The following SLIT3 variants were observed in gnomAD, a reference collection of about 807,000 sequenced individuals.
The protein encoded by SLIT3 is slit guidance ligand 3.
A neutral mutation model predicts 184.0 loss-of-function variants in SLIT3; 68 were observed. That is an observed-to-expected ratio of 0.37 (90% CI 0.30 to 0.45). The LOEUF (loss-of-function observed/expected upper bound fraction) is 0.45, where lower values mean the gene tolerates loss of function less well. Ranked by LOEUF, SLIT3 falls within the 20% of genes least tolerant of loss-of-function variation. The pLI is 1.00. For missense variants in SLIT3, 1,707 were observed against 2,026.0 expected (o/e 0.84, Z 3.02); for synonymous variants, 831 against 828.6 (o/e 1.00, Z -0.05).
intron 1 of SLIT3, among the ~76,000 whole-genome samples, chr5:169,261,678 G>A (rs1766182608): frequency 6.6e-6 from 1 of 152,228 alleles, no homozygotes; most frequent in Non-Finnish European, 1.5e-5. Flanking sequence ...TCCTTTTAAG[G>A]AACTTTTATT....
chr5:168,949,190 T>C (rs1470168514), intron 4 of SLIT3, among the ~76,000 whole-genome samples: 2 of 152,212 alleles, frequency 1.3e-5, no homozygotes, highest in African/African-American at 4.8e-5. Context: ...CTGAGGCTCT[T>C]ATCTCCAGGC....
intron 1 of SLIT3, among the ~76,000 whole-genome samples, chr5:169,279,831 A>G (rs1056325365): frequency 3.9e-5 from 6 of 152,182 alleles, no homozygotes; most frequent in Admixed American, 3.9e-4. Context: ...TTTGTTCCTC[A>G]TCTATAAAAT....
Position 168,801,863 on chromosome 5 carries a change from G to A in SLIT3, c.935+4583C>T, listed in dbSNP as rs78634240. ...TTTAGAGGAATGGGCTCTGGTATTC[G>A]GGGACACCAGCACACACTCCTCTGA... On this transcript the variant is annotated intron_variant, in intron 9 of 35. Transcript: ENST00000519560. Among the ~76,000 whole-genome samples, 1,327 of 152,236 alleles carry A rather than the reference G, an allele frequency of 8.7e-3. 26 individuals are homozygous for A. The highest frequency in any genetic ancestry group is 0.03 in the African/African-American group (1,266 of 41,546).
rs1755447165 is a variant in SLIT3 at position 168,994,623 on chromosome 5, C to CA, written c.414-111288_414-111287insT. Among the ~76,000 whole-genome samples the CA allele has an allele frequency of 6.4e-5, 3 of 47,100 alleles. No homozygotes were observed. The South Asian group carries it at 2.7e-3, about 42-fold the overall frequency. 30.9% of individuals were successfully genotyped at this position (47,100 alleles called of 152,430 possible). A position where few individuals can be genotyped will look rare whatever the true frequency, so the allele number is the denominator to read the frequency against. On this transcript the variant is annotated intron_variant, in intron 4 of 35. Transcript: ENST00000519560. ...ACATGTACCAGTGTCTGGCATTCTA[C>CA]TTTTTTTTTTTTTTTTTTTTTTTTT...
At chr5:169,177,215 G>A (rs983942192) in intron 4 of SLIT3, among the ~76,000 whole-genome samples, 1 of 152,086 alleles carries the variant, frequency 6.6e-6, no homozygotes, top group African/African-American at 2.4e-5. Flanking sequence ...GCAATCAGAC[G>A]GCCAGGAGCC....
chr5:169,002,345 A>AAAAAAAAAAAAG (rs1561600096), intron 4 of SLIT3, among the ~76,000 whole-genome samples: 28 of 145,402 alleles, frequency 1.9e-4, no homozygotes, highest in Non-Finnish European at 3.0e-4. Context: ...AAAAAAAAAA[A>AAAAAAAAAAAAG]AAAAAAAAAA....
chr5:168,674,887 G>A (rs1343258302), intron 32 of SLIT3, among the ~76,000 whole-genome samples: 1 of 152,156 alleles, frequency 6.6e-6, no homozygotes, highest in African/African-American at 2.4e-5. Context: ...GCCAGACATG[G>A]TGCTAAGTGG....
chr5:169,178,112 T>C (rs1227496541), intron 4 of SLIT3, among the ~76,000 whole-genome samples: 1 of 152,244 alleles, frequency 6.6e-6, no homozygotes, highest in Non-Finnish European at 1.5e-5. Context: ...GCAGCAAATC[T>C]ATCACCAGTA....
intron 5 of SLIT3, among the ~76,000 whole-genome samples, chr5:168,877,815 A>C (rs1029741151): frequency 6.6e-5 from 10 of 152,148 alleles, no homozygotes. Context: ...AGAAACTGAA[A>C]AACAGAGGAA....
At chr5:168,739,426 C>CTT (rs35705916) in intron 20 of SLIT3, among the ~76,000 whole-genome samples, 5 of 143,534 alleles carry the variant, frequency 3.5e-5, no homozygotes, top group South Asian at 4.4e-4. Context: ...TCTTTTTATT[C>CTT]TTTTTTTTTT....
chr5:168,977,822 A>G (rs1754818579), intron 4 of SLIT3, among the ~76,000 whole-genome samples: 1 of 152,148 alleles, frequency 6.6e-6, no homozygotes, highest in African/African-American at 2.4e-5. Flanking sequence ...GCCAAAAGAC[A>G]TGGCTGTATC....
At chr5:168,766,412 C>T (rs934013958) in intron 14 of SLIT3, among the ~76,000 whole-genome samples, 2 of 152,236 alleles carry the variant, frequency 1.3e-5, no homozygotes, top group Non-Finnish European at 2.9e-5. Flanking sequence ...AGAACACTGC[C>T]AGGCACACAG....
chr5:169,030,026 A>C (rs1432901), intron 4 of SLIT3, among the ~76,000 whole-genome samples: 4 of 152,218 alleles, frequency 2.6e-5, no homozygotes, highest in African/African-American at 9.6e-5. Context: ...TTTTGGAAAG[A>C]GGGGAGCTAC....
At chr5:169,148,821 C>G (rs1762019512) in intron 4 of SLIT3, among the ~76,000 whole-genome samples, 2 of 151,912 alleles carry the variant, frequency 1.3e-5, no homozygotes, top group Admixed American at 6.6e-5. Flanking sequence ...TAATTATATC[C>G]TAGAAGTCAT....
At chr5:169,031,041 C>G (rs140697788) in intron 4 of SLIT3, among the ~76,000 whole-genome samples, 97 of 152,294 alleles carry the variant, frequency 6.4e-4, no homozygotes, top group African/African-American at 2.2e-3. Context: ...AACTTAGAAG[C>G]CCCTGACAGG....
chr5:168,750,641 A>T (rs1388706809), intron 18 of SLIT3, among the ~76,000 whole-genome samples: 2 of 152,106 alleles, frequency 1.3e-5, no homozygotes, highest in Non-Finnish European at 2.9e-5. Context: ...TTGGATTTCC[A>T]ATGTGGAGGT....
At chr5:169,006,605 T>TCA (rs372485234) in intron 4 of SLIT3, among the ~76,000 whole-genome samples, 16,944 of 145,590 alleles carry the variant, frequency 0.12, 1,042 homozygotes, top group African/African-American at 0.13. Context: ...TCTCTCTCTC[T>TCA]CACACACACA....
chr5:169,261,481 TCCTC>T (rs1766173817), intron 1 of SLIT3, among the ~76,000 whole-genome samples: 2 of 152,044 alleles, frequency 1.3e-5, no homozygotes, highest in African/African-American at 4.8e-5. Context: ...TTCTTTCCTT[TCCTC>T]CCTCTCTCTC....
At chr5:168,825,268 G>A (rs921026606) in intron 6 of SLIT3, among the ~76,000 whole-genome samples, 1 of 152,054 alleles carries the variant, frequency 6.6e-6, no homozygotes, top group Admixed American at 6.5e-5. Context: ...TCAGCATACA[G>A]TGCCCCCCAT....
Sources: allele counts gnomAD v4.1 joint callset (sites outside exome capture counted in the v4.1 genomes callset), GRCh38; gene constraint gnomAD v4.1.1; transcripts MANE v1.5; gene names NCBI Gene and HGNC (gene_info 2026-07-23, HGNC 2026-07-21).